CRTAC1: variants seen among roughly 807,000 people sequenced by gnomAD.
The protein encoded by CRTAC1 is cartilage acidic protein 1.
In CRTAC1, 37 loss-of-function variants were observed where a neutral mutation model predicts 67.8. That is an observed-to-expected ratio of 0.55 (90% CI 0.42 to 0.72). The LOEUF (loss-of-function observed/expected upper bound fraction) is 0.72, where lower values mean the gene tolerates loss of function less well. Among genes scored for constraint, CRTAC1 ranks in the 30% least tolerant of loss-of-function variants. CRTAC1 has a pLI of 0.00. For synonymous variants in CRTAC1, 348 were observed against 371.0 expected, an observed-to-expected ratio of 0.94 and a Z score of 0.71; for missense variants, 780 against 931.6, an observed-to-expected ratio of 0.84 and a Z score of 2.12.
At chr10:97,999,078 C>T (rs1842638954) in intron 2 of CRTAC1, among the ~76,000 whole-genome samples, 1 of 152,238 alleles carries the variant, frequency 6.6e-6, no homozygotes, top group Admixed American at 6.5e-5. Flanking sequence ...CTGGCTGCAG[C>T]AGGGAGGTGC....
intron 11 of CRTAC1, among the ~76,000 whole-genome samples, chr10:97,885,265 TG>T (rs1237883612): frequency 6.6e-6 from 1 of 152,020 alleles, no homozygotes; most frequent in Non-Finnish European, 1.5e-5. Context: ...CTCAGGAGGA[TG>T]AGGCAGAAGT....
intron 2 of CRTAC1, among the ~76,000 whole-genome samples, chr10:97,939,141 C>A (rs2051133606): frequency 6.6e-6 from 1 of 152,162 alleles, no homozygotes; most frequent in South Asian, 2.1e-4. Context: ...GTCTTCACCA[C>A]CCCCTGAAGC....
intron 11 of CRTAC1, among the ~76,000 whole-genome samples, chr10:97,893,252 A>ATAT (rs2050402240): frequency 1.0e-4 from 15 of 149,102 alleles, no homozygotes; most frequent in Non-Finnish European, 3.0e-5. Context: ...ATTGCCTTTC[A>ATAT]GTTTTTTTTC....
intron 2 of CRTAC1, among the ~76,000 whole-genome samples, chr10:97,990,496 C>A (rs776937232): frequency 6.6e-5 from 10 of 152,192 alleles, no homozygotes; most frequent in Non-Finnish European, 1.3e-4. Context: ...TCCTTTCCAA[C>A]CCCATTTTGT....
At chr10:97,903,840 A>G (rs1051546073) in intron 7 of CRTAC1, among the ~76,000 whole-genome samples, 27 of 152,166 alleles carry the variant, frequency 1.8e-4, no homozygotes, top group African/African-American at 6.5e-4. Context: ...GTCTATCAAC[A>G]GCTCAGGGAG....
chr10:97,906,191 G>T (rs1397544425), intron 6 of CRTAC1, among the ~76,000 whole-genome samples: 2 of 152,162 alleles, frequency 1.3e-5, no homozygotes, highest in African/African-American at 4.8e-5. Context: ...GGAAGAAGAG[G>T]CAGTGAGACT....
intron 2 of CRTAC1, among the ~76,000 whole-genome samples, chr10:98,001,037 A>G (rs1478109562): frequency 2.0e-5 from 3 of 152,216 alleles, no homozygotes; most frequent in African/African-American, 7.2e-5. Context: ...GCTGGAATAG[A>G]TATCATGTTA....
At chr10:97,998,754 C>A (rs1371968372) in intron 2 of CRTAC1, among the ~76,000 whole-genome samples, 1 of 151,874 alleles carries the variant, frequency 6.6e-6, no homozygotes, top group African/African-American at 2.4e-5. Context: ...AACAACAAAA[C>A]TATTATTAAT....
intron 2 of CRTAC1, among the ~76,000 whole-genome samples, chr10:97,965,825 A>C (rs2051605758): frequency 6.6e-6 from 1 of 152,336 alleles, no homozygotes; most frequent in East Asian, 1.9e-4. Context: ...TGGGGCAGGC[A>C]GTTGTCGAAC....
intron 3 of CRTAC1, among the ~76,000 whole-genome samples, chr10:97,928,127 C>G (rs952459525): frequency 1.7e-4 from 26 of 152,058 alleles, no homozygotes; most frequent in Admixed American, 3.9e-4. Flanking sequence ...GAGCCACAGC[C>G]CTTACGAGGG....
At chr10:97,897,107 C>T in intron 8 of CRTAC1, 116 bp from the exon 9 acceptor site, 1 of 656,454 alleles carries the variant, frequency 1.5e-6, no homozygotes, top group Non-Finnish European at 2.6e-6. Flanking sequence ...GCATGGGCTA[C>T]CACCTGGCTG....
chr10:97,892,376 G>T (rs2050388042), intron 11 of CRTAC1, among the ~76,000 whole-genome samples: 1 of 152,212 alleles, frequency 6.6e-6, no homozygotes, highest in African/African-American at 2.4e-5. Flanking sequence ...CGGAGTGGGG[G>T]AGTTGATATC....
chr10:97,973,518 C>T (rs1564918681), intron 2 of CRTAC1, among the ~76,000 whole-genome samples: 1 of 152,016 alleles, frequency 6.6e-6, no homozygotes, highest in Non-Finnish European at 1.5e-5. Context: ...CTCTGCATTT[C>T]CAAAGCACTT....
At chr10:97,914,920 G>C (rs187926447) in intron 5 of CRTAC1, among the ~76,000 whole-genome samples, 1 of 152,116 alleles carries the variant, frequency 6.6e-6, no homozygotes, top group Non-Finnish European at 1.5e-5. Context: ...AGCTGGCATG[G>C]TGGCCACTAG....
intron 2 of CRTAC1, among the ~76,000 whole-genome samples, chr10:97,989,982 G>C (rs1030284696): frequency 2.6e-5 from 4 of 152,190 alleles, no homozygotes; most frequent in African/African-American, 9.6e-5. Context: ...TCTTCTTTCA[G>C]TGACCCTTCT....
intron 2 of CRTAC1, among the ~76,000 whole-genome samples, chr10:97,970,758 G>C (rs2051695819): frequency 6.6e-6 from 1 of 152,234 alleles, no homozygotes; most frequent in Non-Finnish European, 1.5e-5. Flanking sequence ...CATGAGGGCA[G>C]GGATTTTTGT....
intron 3 of CRTAC1, among the ~76,000 whole-genome samples, chr10:97,928,699 G>A (rs1296869767): frequency 1.3e-5 from 2 of 152,286 alleles, no homozygotes; most frequent in Non-Finnish European, 2.9e-5. Context: ...GAGGGAGGAG[G>A]CAACTGAACT....
intron 1 of CRTAC1, among the ~76,000 whole-genome samples, chr10:98,028,562 C>T (rs1843288977): frequency 6.6e-6 from 1 of 152,178 alleles, no homozygotes; most frequent in Non-Finnish European, 1.5e-5. Context: ...TTTACAGGGG[C>T]ACCCCTGCGC....
At chr10:97,926,070 T>C (rs1170997276) in intron 3 of CRTAC1, among the ~76,000 whole-genome samples, 2 of 152,126 alleles carry the variant, frequency 1.3e-5, no homozygotes, top group African/African-American at 4.8e-5. Flanking sequence ...CGGAGAAGCC[T>C]GACCCAGGGA....
Sources: gnomAD v4.1 joint callset for allele counts (sites outside exome capture counted in the v4.1 genomes callset) on GRCh38, gnomAD v4.1.1 for gene constraint, MANE v1.5 for transcripts, NCBI Gene and HGNC (gene_info 2026-07-23, HGNC 2026-07-21) for gene names.